Variants in ASCC3 observed in about 807,000 individuals in gnomAD.
The protein encoded by ASCC3 is activating signal cointegrator 1 complex subunit 3.
ASCC3 carries 158 observed loss-of-function variants against 256.3 expected under a neutral mutation model. The observed-to-expected ratio is 0.62, with a 90% CI of 0.54 to 0.70. The LOEUF (loss-of-function observed/expected upper bound fraction) is 0.70, where lower values mean the gene tolerates loss of function less well. ASCC3 is among the 30% of genes least tolerant of loss of function. ASCC3 has a pLI of 0.00. For missense variants in ASCC3, 2,259 were observed against 2,626.0 expected, an observed-to-expected ratio of 0.86 and a Z score of 3.05; for synonymous variants, 948 against 883.4, an observed-to-expected ratio of 1.07 and a Z score of -1.30.
chr6:100,657,136 T>C (rs1775952393), intron 16 of ASCC3, among the ~76,000 whole-genome samples: 1 of 151,194 alleles, frequency 6.6e-6, no homozygotes. Context: ...AATGTATAAT[T>C]TTCATTATAG....
At chr6:100,777,405 G>C (rs1000878794) in intron 8 of ASCC3, among the ~76,000 whole-genome samples, 1 of 151,948 alleles carries the variant, frequency 6.6e-6, no homozygotes, top group Non-Finnish European at 1.5e-5. Flanking sequence ...GGCTTAAACT[G>C]TTCAAACACT....
At chr6:100,579,059 T>A (rs148004783) in intron 36 of ASCC3, among the ~76,000 whole-genome samples, 4,983 of 152,138 alleles carry the variant, frequency 0.033, 245 homozygotes, top group African/African-American at 0.11. Context: ...TGGTTTTGGT[T>A]TGCATTTTTC....
At chr6:100,795,690 T>C (rs1411819919) in intron 8 of ASCC3, among the ~76,000 whole-genome samples, 1 of 152,188 alleles carries the variant, frequency 6.6e-6, no homozygotes, top group East Asian at 1.9e-4. Flanking sequence ...AAATTCTCCT[T>C]AAGTTTTTAA....
intron 3 of ASCC3, among the ~76,000 whole-genome samples, chr6:100,861,345 T>G (rs994656426): frequency 3.3e-5 from 5 of 152,158 alleles, no homozygotes; most frequent in Non-Finnish European, 7.4e-5. Flanking sequence ...ATTGTCCAGA[T>G]TAAACAATAC....
intron 30 of ASCC3, among the ~76,000 whole-genome samples, chr6:100,610,696 G>A (rs1017712457): frequency 1.3e-4 from 20 of 152,060 alleles, no homozygotes; most frequent in Admixed American, 3.9e-4. Flanking sequence ...TTTATGAACT[G>A]TTAAGCAGGA....
At chr6:100,643,921 A>C in intron 23 of ASCC3, 110 bp downstream of exon 23, 1 of 731,830 alleles carries the variant, frequency 1.4e-6, no homozygotes, top group Non-Finnish European at 2.2e-6. Flanking sequence ...CTAAAACATA[A>C]AATAAAGTTT....
intron 13 of ASCC3, among the ~76,000 whole-genome samples, chr6:100,714,127 A>C (rs1778985660): frequency 6.6e-6 from 1 of 152,214 alleles, no homozygotes; most frequent in Non-Finnish European, 1.5e-5. Context: ...CCACTTGTTC[A>C]AATATTGTCC....
At chr6:100,782,033 A>G (rs748716630) in intron 8 of ASCC3, among the ~76,000 whole-genome samples, 5 of 152,072 alleles carry the variant, frequency 3.3e-5, no homozygotes, top group Non-Finnish European at 7.4e-5. Context: ...TATTATTTCT[A>G]AGAGACTTTA....
At chr6:100,801,070 G>A (rs1420372035) in intron 5 of ASCC3, among the ~76,000 whole-genome samples, 3 of 151,940 alleles carry the variant, frequency 2.0e-5, no homozygotes, top group South Asian at 2.1e-4. Context: ...ACCTTTTTAC[G>A]GAAACACAGT....
At position 100,627,648 on chromosome 6, in the gene ASCC3, G is replaced by T. The variant is rs992194177; in HGVS notation, c.4584C>A (p.Gly1528=). The T allele has an allele frequency of 1.2e-6, 2 of 1,613,600 alleles. No homozygotes were observed. The highest frequency in any genetic ancestry group is 1.7e-6 in the Non-Finnish European group (2 of 1,179,722). The change falls in exon 29 of 42, where the codon GGC becomes GGA. Residue 1528 remains glycine, a synonymous_variant. Coordinates refer to ENST00000369162, the MANE Select transcript of ASCC3 (RefSeq NM_006828.4). The part of the protein sequence containing the change: ...RPVPLEVHIQ[G]FPGQHYCPRM... ...GAGGACAGTAATGTTGACCTGGAAA[G>T]CCTTGAATGTGAACTTCCAGTGGAA...
Position 100,518,068 on chromosome 6 carries a change from C to G in ASCC3, c.5850G>C (p.Val1950=). The change falls in exon 38 of 42, where the codon GTG becomes GTC. Residue 1950 remains valine, a synonymous_variant. Coordinates refer to ENST00000369162, the MANE Select transcript of ASCC3 (RefSeq NM_006828.4). ...AGTCCTTTAACCACCGACCCTGGAT[C>G]ACCATCTGAATCAGGTTGGTGATAT... ...VLNITNLIQM[V]IQGRWLKDSS... 1 of 1,613,708 alleles carries G rather than the reference C, an allele frequency of 6.2e-7. No homozygotes were observed. The highest frequency in any genetic ancestry group is 8.5e-7 in the Non-Finnish European group (1 of 1,179,714).
intron 36 of ASCC3, among the ~76,000 whole-genome samples, chr6:100,546,399 G>C (rs902870177): frequency 3.3e-5 from 5 of 152,110 alleles, no homozygotes; most frequent in Non-Finnish European, 5.9e-5. Flanking sequence ...AAATGTAAAG[G>C]ACCTAGAATA....
At chr6:100,866,765 G>T (rs1562356281) in intron 2 of ASCC3, among the ~76,000 whole-genome samples, 1 of 152,162 alleles carries the variant, frequency 6.6e-6, no homozygotes, top group Non-Finnish European at 1.5e-5. Context: ...AACCAAGCCT[G>T]CCAACACCTT....
intron 10 of ASCC3, among the ~76,000 whole-genome samples, chr6:100,731,389 C>T (rs1562257438): frequency 6.6e-6 from 1 of 152,178 alleles, no homozygotes; most frequent in Non-Finnish European, 1.5e-5. Context: ...GGACACAATA[C>T]TTTGTTACCC....
At chr6:100,870,629 G>A (rs890948217) in intron 1 of ASCC3, among the ~76,000 whole-genome samples, 3 of 152,106 alleles carry the variant, frequency 2.0e-5, no homozygotes, top group African/African-American at 7.2e-5. Flanking sequence ...AAAAACAGTT[G>A]GACTCTCTAC....
intron 4 of ASCC3, among the ~76,000 whole-genome samples, chr6:100,813,253 C>G (rs977363294): frequency 1.3e-5 from 2 of 152,010 alleles, no homozygotes; most frequent in East Asian, 3.9e-4. Flanking sequence ...TTCAGCAGTT[C>G]AAGACAGGCC....
At chr6:100,777,834 G>T (rs975625956) in intron 8 of ASCC3, among the ~76,000 whole-genome samples, 6 of 152,052 alleles carry the variant, frequency 3.9e-5, no homozygotes, top group African/African-American at 1.4e-4. Context: ...AAAGACGTTG[G>T]ATTTTTGTTC....
chr6:100,676,368 T>A (rs1278112976), intron 14 of ASCC3, among the ~76,000 whole-genome samples: 3 of 152,136 alleles, frequency 2.0e-5, no homozygotes, highest in African/African-American at 7.2e-5. Context: ...GTTTCAGAAA[T>A]GTTTAGATGT....
chr6:100,712,878 C>T (rs1778918497), intron 13 of ASCC3, among the ~76,000 whole-genome samples: 1 of 150,904 alleles, frequency 6.6e-6, no homozygotes, highest in East Asian at 1.9e-4. Flanking sequence ...CTGCCTCAGG[C>T]TCTGCAGCAG....
Sources: allele counts gnomAD v4.1 joint callset (sites outside exome capture counted in the v4.1 genomes callset), GRCh38; gene constraint gnomAD v4.1.1; transcripts MANE v1.5; gene names NCBI Gene and HGNC (gene_info 2026-07-23, HGNC 2026-07-21).